Variants in DDRGK1 observed in about 807,000 individuals in gnomAD.
The protein encoded by DDRGK1 is DDRGK domain containing 1, also known as DDRGK domain-containing protein 1.
In DDRGK1, 38 loss-of-function variants were observed where a neutral mutation model predicts 45.8. The ratio of observed to expected loss-of-function variants is 0.83; its 90% CI spans 0.64 to 1.09. The LOEUF is 1.09. DDRGK1 is among the 50% of genes least tolerant of loss of function. The pLI is 0.00. For synonymous variants in DDRGK1, 171 were observed against 168.7 expected (o/e 1.01, Z -0.11); for missense variants, 403 against 419.9 (o/e 0.96, Z 0.35).
intron 8 of DDRGK1, 31 bp from the exon 9 acceptor site, chr20:3,190,850 G>A (rs2066986674): frequency 6.3e-7 from 1 of 1,587,200 alleles, no homozygotes; most frequent in African/African-American, 1.3e-5. Flanking sequence ...TGGGGCTGAG[G>A]CCTCCTGGGC....
chr20:3,190,905 G>T, intron 8 of DDRGK1, 86 bp from the exon 9 acceptor site: 1 of 1,502,096 alleles, frequency 6.7e-7, no homozygotes, highest in Non-Finnish European at 8.9e-7. Context: ...CTTCACAGCT[G>T]GCTCAGGGCC....
intron 4 of DDRGK1, among the ~76,000 whole-genome samples, chr20:3,198,301 G>C (rs1188266771): frequency 6.6e-6 from 1 of 150,548 alleles, no homozygotes; most frequent in South Asian, 2.1e-4. Context: ...CTACTCGGGA[G>C]AATGAGGCAG....
At chr20:3,200,544 G>A (rs551136838) in intron 2 of DDRGK1, 90 bp from the exon 3 acceptor site, 20 of 1,205,210 alleles carry the variant, frequency 1.7e-5, no homozygotes, top group East Asian at 2.6e-5. Context: ...CCCCTAACAG[G>A]GGGATCCCCT....
chr20:3,203,538 C>T, intron 1 of DDRGK1, 122 bp from the exon 2 acceptor site: 2 of 1,313,856 alleles, frequency 1.5e-6, no homozygotes, highest in Non-Finnish European at 2.0e-6. Context: ...AGCACAAGGC[C>T]CCGACTTCTC....
chr20:3,199,822 G>A (rs1335501460), intron 4 of DDRGK1, among the ~76,000 whole-genome samples, 179 bp downstream of exon 4: 3 of 152,188 alleles, frequency 2.0e-5, no homozygotes, highest in Non-Finnish European at 2.9e-5. Context: ...TCCAGGCTCT[G>A]CTTTTCAGCA....
At position 3,194,817 on chromosome 20, in the gene DDRGK1, A is replaced by G. The variant is rs769567956; in HGVS notation, c.672+13T>C. 13 of 1,614,006 alleles carry G rather than the reference A, an allele frequency of 8.1e-6. No homozygotes were observed. The highest frequency in any genetic ancestry group is 1.1e-5 in the Non-Finnish European group (13 of 1,180,012). On this transcript the variant is annotated intron_variant, in intron 6 of 8. Transcript: ENST00000354488. Reference sequence around the variant, plus strand: ...GGGAGCTGACACTCAGGCTCTGTTCAGTGGCTTCTTACCTTGATGTAGTTG... The same window carrying G: ...GGGAGCTGACACTCAGGCTCTGTTCGGTGGCTTCTTACCTTGATGTAGTTG...
chr20:3,190,924 C>G, intron 8 of DDRGK1, 105 bp from the exon 9 acceptor site: 1 of 1,463,718 alleles, frequency 6.8e-7, no homozygotes, highest in East Asian at 2.5e-5. Flanking sequence ...CCCTTCCGGC[C>G]TCCTGCCTGC....
intron 4 of DDRGK1, 43 bp from the exon 5 acceptor site, chr20:3,195,396 A>T: frequency 6.4e-7 from 1 of 1,552,570 alleles, no homozygotes; most frequent in Non-Finnish European, 8.7e-7. Context: ...GGGGCAGAAC[A>T]GGGCAGGCAC....
chr20:3,194,722 A>G, intron 6 of DDRGK1, 108 bp downstream of exon 6: 1 of 1,448,288 alleles, frequency 6.9e-7, no homozygotes, highest in Middle Eastern at 2.3e-4. Context: ...CCCCCTGTCC[A>G]CTCCTGCATG....
rs756890816 is a variant in DDRGK1 at position 3,190,692 on chromosome 20, G to A, written c.906C>T (p.Ile302=). The A allele has an allele frequency of 4.6e-5, 75 of 1,613,920 alleles. No homozygotes were observed. In the Admixed American group the frequency reaches 9.2e-4, roughly 20 times the overall value. Residue 302 remains isoleucine (I), a synonymous_variant, in exon 9 of 9, where the codon ATC becomes ATT. Transcript: ENST00000354488. ...AELAQASNSL[I]AWGRESPAQA... ...GGGCAGGGGACTCCCGGCCCCAGGC[G>A]ATGAGGGAGTTGCTGGCTTGGGCAA...
chr20:3,191,622 C>T (rs542792321), intron 7 of DDRGK1, 143 bp downstream of exon 7: 2 of 970,400 alleles, frequency 2.1e-6, no homozygotes, highest in African/African-American at 1.6e-5. Context: ...TCCCAGGGTG[C>T]CAGGAGACTT....
At chr20:3,200,661 G>A (rs2067033353) in intron 2 of DDRGK1, among the ~76,000 whole-genome samples, 1 of 152,194 alleles carries the variant, frequency 6.6e-6, no homozygotes, top group East Asian at 1.9e-4. Flanking sequence ...GAACGGTGAG[G>A]GGCCCATAGG....
At chr20:3,195,471 A>C in intron 4 of DDRGK1, 118 bp from the exon 5 acceptor site, 1 of 1,407,422 alleles carries the variant, frequency 7.1e-7, no homozygotes, top group Non-Finnish European at 9.4e-7. Flanking sequence ...TCTCAGAGAC[A>C]GAGCTCCTTC....
At chr20:3,191,064 C>A in intron 8 of DDRGK1, 126 bp downstream of exon 8, 1 of 1,296,376 alleles carries the variant, frequency 7.7e-7, no homozygotes, top group Non-Finnish European at 1.1e-6. Context: ...CTACTCAGTG[C>A]CCCTCCTTGC....
At chr20:3,201,336 G>A (rs1294815098) in intron 2 of DDRGK1, among the ~76,000 whole-genome samples, 1 of 149,890 alleles carries the variant, frequency 6.7e-6, no homozygotes, top group Non-Finnish European at 1.5e-5. Context: ...GTGGCCACCC[G>A]TAGCCCCAGC....
Position 3,199,776 on chromosome 20 carries a change from C to G in DDRGK1, c.510+225G>C, listed in dbSNP as rs557278507. ...CGCCTCGCGTTCCTCACATGCTCCC[C>G]GAAAGTTCAATAGTCACGTGCACAA... On this transcript the variant is annotated intron_variant, in intron 4 of 8. Transcript: ENST00000354488. Among the ~76,000 whole-genome samples the G allele has an allele frequency of 7.2e-5, 11 of 152,288 alleles. No homozygotes were observed. The South Asian group carries it at 2.3e-3, about 32-fold the overall frequency.
intron 6 of DDRGK1, among the ~76,000 whole-genome samples, chr20:3,194,346 G>A (rs900246116): frequency 2.6e-5 from 4 of 152,208 alleles, no homozygotes; most frequent in Admixed American, 6.5e-5. Flanking sequence ...GCATCGAGGC[G>A]GCCTGCGCAG....
chr20:3,203,481 G>C (rs1005434656), intron 1 of DDRGK1, 65 bp from the exon 2 acceptor site: 1 of 1,438,512 alleles, frequency 7.0e-7, no homozygotes, highest in Non-Finnish European at 9.1e-7. Flanking sequence ...CAGGAGGAGC[G>C]GCAGCCCGGA....
intron 4 of DDRGK1, among the ~76,000 whole-genome samples, chr20:3,196,655 T>C (rs1361292894): frequency 4.6e-5 from 7 of 152,084 alleles, no homozygotes; most frequent in Non-Finnish European, 7.4e-5. Context: ...CACTCCAGCC[T>C]GGGGGACAGA....
Sources: allele counts gnomAD v4.1 joint callset (sites outside exome capture counted in the v4.1 genomes callset), GRCh38; gene constraint gnomAD v4.1.1; transcripts MANE v1.5; gene names NCBI Gene and HGNC (gene_info 2026-07-23, HGNC 2026-07-21).